Variants in PHKB observed in about 807,000 individuals in gnomAD.
PHKB encodes the protein phosphorylase b kinase regulatory subunit beta.
PHKB carries 122 observed loss-of-function variants against 152.1 expected under a neutral mutation model. The ratio of observed to expected loss-of-function variants is 0.80; its 90% confidence interval spans 0.69 to 0.93. PHKB has a LOEUF of 0.93. Among genes scored for constraint, PHKB ranks in the 40% least tolerant of loss-of-function variants. PHKB has a pLI of 0.00. For missense variants in PHKB, 1,304 were observed against 1,328.4 expected (o/e 0.98, Z 0.29); for synonymous variants, 436 against 464.9 (o/e 0.94, Z 0.80).
chr16:47,515,399 G>T, intron 5 of PHKB, 122 bp from the exon 6 acceptor site: 1 of 687,984 alleles, frequency 1.5e-6, no homozygotes, highest in East Asian at 2.7e-5. Flanking sequence ...TTCACAGTAG[G>T]AAAGGAAATA....
intron 1 of PHKB, among the ~76,000 whole-genome samples, chr16:47,480,903 T>C (rs1969953026): frequency 6.6e-6 from 1 of 152,222 alleles, no homozygotes. Context: ...CTAGATGGTC[T>C]GAATAGCATA....
At chr16:47,672,716 G>A (rs1415490284) in intron 26 of PHKB, among the ~76,000 whole-genome samples, 1 of 152,130 alleles carries the variant, frequency 6.6e-6, no homozygotes, top group African/African-American at 2.4e-5. Flanking sequence ...CAAATCTCAT[G>A]TAATTCCCTT....
intron 6 of PHKB, among the ~76,000 whole-genome samples, chr16:47,544,888 C>T (rs896674851): frequency 2.0e-5 from 3 of 152,136 alleles, no homozygotes; most frequent in South Asian, 2.1e-4. Context: ...GGTTTAAAGT[C>T]TGTTTTATCA....
Position 47,524,219 on chromosome 16 carries a change from C to T in PHKB, c.594+8618C>T, listed in dbSNP as rs62061087. Among the ~76,000 whole-genome samples the T allele has an allele frequency of 1.3e-4, 20 of 152,180 alleles. No individual in the cohort carries two copies. The East Asian group carries it at 2.7e-3, about 21-fold the overall frequency. ...TCCTGAGGCCTTTCCTCTGCTGTTC[C>T]GTGATTTGGATTCCGTTTGTTTTTC... On this transcript the variant is annotated intron_variant, in intron 6 of 30. Transcript: ENST00000323584.
intron 1 of PHKB, among the ~76,000 whole-genome samples, chr16:47,472,445 T>G (rs1348189446): frequency 1.3e-5 from 2 of 152,030 alleles, no homozygotes; most frequent in East Asian, 3.9e-4. Flanking sequence ...TGAGCCCAAT[T>G]TGAGACTAGC....
chr16:47,611,718 A>G (rs1374175722), intron 14 of PHKB, among the ~76,000 whole-genome samples: 1 of 152,182 alleles, frequency 6.6e-6, no homozygotes, highest in Non-Finnish European at 1.5e-5. Flanking sequence ...TAATAAGAGA[A>G]AGGGAGAGCC....
intron 7 of PHKB, among the ~76,000 whole-genome samples, chr16:47,553,283 T>A (rs1280343581): frequency 6.6e-6 from 1 of 152,098 alleles, no homozygotes; most frequent in East Asian, 1.9e-4. Flanking sequence ...TTCATTAAGT[T>A]GATCTTCAAT....
chr16:47,513,539 C>T (rs1970545788), intron 5 of PHKB, among the ~76,000 whole-genome samples: 1 of 152,178 alleles, frequency 6.6e-6, no homozygotes, highest in African/African-American at 2.4e-5. Flanking sequence ...AGTCAGGAGA[C>T]ACCCAGAATC....
At chr16:47,635,922 G>T (rs1217101159) in intron 14 of PHKB, among the ~76,000 whole-genome samples, 1 of 152,210 alleles carries the variant, frequency 6.6e-6, no homozygotes, top group Non-Finnish European at 1.5e-5. Context: ...CGCTGTTGTT[G>T]CTACTTTTAA....
intron 1 of PHKB, among the ~76,000 whole-genome samples, chr16:47,471,605 T>C (rs1969769095): frequency 1.3e-5 from 2 of 152,196 alleles, no homozygotes; most frequent in South Asian, 4.1e-4. Context: ...GAGTATATCA[T>C]CATTCTGGAT....
intron 13 of PHKB, among the ~76,000 whole-genome samples, chr16:47,610,556 A>G (rs569935069): frequency 6.6e-6 from 1 of 152,130 alleles, no homozygotes; most frequent in African/African-American, 2.4e-5. Flanking sequence ...ATTTCCACAT[A>G]TGTGTGAATT....
At chr16:47,636,930 C>T (rs536132238) in intron 14 of PHKB, among the ~76,000 whole-genome samples, 10 of 152,246 alleles carry the variant, frequency 6.6e-5, no homozygotes, top group African/African-American at 1.2e-4. Flanking sequence ...GTGCTTTTTC[C>T]GGGCCCACCC....
chr16:47,510,661 T>C (rs1464260377), intron 4 of PHKB, among the ~76,000 whole-genome samples: 1 of 152,128 alleles, frequency 6.6e-6, no homozygotes, highest in African/African-American at 2.4e-5. Flanking sequence ...GAGGAAGGAA[T>C]TTTGGTGAGG....
intron 13 of PHKB, among the ~76,000 whole-genome samples, chr16:47,599,709 G>A (rs895571782): frequency 6.6e-6 from 1 of 152,176 alleles, no homozygotes; most frequent in Non-Finnish European, 1.5e-5. Context: ...TGAAAAGGCA[G>A]TGAGAACATG....
chr16:47,496,736 TATC>T (rs1342017940), intron 1 of PHKB, among the ~76,000 whole-genome samples: 1 of 152,204 alleles, frequency 6.6e-6, no homozygotes, highest in East Asian at 1.9e-4. Context: ...TGTGGCAAAT[TATC>T]ATGATTATTG....
chr16:47,637,381 C>G (rs1463473401), intron 14 of PHKB, among the ~76,000 whole-genome samples: 1 of 152,132 alleles, frequency 6.6e-6, no homozygotes, highest in Admixed American at 6.5e-5. Context: ...CCTGGCTCAC[C>G]CTCGGCAAGT....
chr16:47,680,250 C>G (rs1163687313), intron 26 of PHKB, among the ~76,000 whole-genome samples: 1 of 152,072 alleles, frequency 6.6e-6, no homozygotes, highest in African/African-American at 2.4e-5. Context: ...TGTGTCTCTG[C>G]CAGGCTTTGG....
chr16:47,484,405 C>T (rs766039190), intron 1 of PHKB, among the ~76,000 whole-genome samples: 7 of 151,950 alleles, frequency 4.6e-5, no homozygotes, highest in Non-Finnish European at 1.0e-4. Context: ...CATGGAGAAA[C>T]GTAGACTCTA....
At chr16:47,678,340 G>A (rs1192453400) in intron 26 of PHKB, among the ~76,000 whole-genome samples, 6 of 152,176 alleles carry the variant, frequency 3.9e-5, no homozygotes, top group African/African-American at 4.8e-5. Flanking sequence ...CTGAGGAATC[G>A]CCACACTGAC....
Sources: allele counts gnomAD v4.1 joint callset (sites outside exome capture counted in the v4.1 genomes callset), GRCh38; gene constraint gnomAD v4.1.1; transcripts MANE v1.5; gene names NCBI Gene and HGNC (gene_info 2026-07-23, HGNC 2026-07-21).